The following ARHGAP15 variants were observed in gnomAD, a reference collection of about 807,000 sequenced individuals.
ARHGAP15 encodes rho GTPase-activating protein 15.
ARHGAP15 carries 51 observed loss-of-function variants against 63.7 expected under a neutral mutation model. The observed-to-expected ratio is 0.80, with a 90% confidence interval of 0.64 to 1.01. The LOEUF is 1.01. Ranked by LOEUF, ARHGAP15 falls within the 50% of genes least tolerant of loss-of-function variation. ARHGAP15 has a pLI of 0.00. For missense variants in ARHGAP15, 560 were observed against 564.6 expected (o/e 0.99, Z 0.08); for synonymous variants, 191 against 193.8 (o/e 0.99, Z 0.12).
chr2:143,233,133 T>A (rs560684426), intron 5 of ARHGAP15, among the ~76,000 whole-genome samples: 1 of 152,318 alleles, frequency 6.6e-6, no homozygotes, highest in South Asian at 2.1e-4. Flanking sequence ...GACATTATTA[T>A]TCTCTTTTAT....
At chr2:143,414,248 T>A (rs1275719517) in intron 6 of ARHGAP15, among the ~76,000 whole-genome samples, 3 of 151,504 alleles carry the variant, frequency 2.0e-5, no homozygotes, top group Non-Finnish European at 4.4e-5. Flanking sequence ...AAACTAAAAA[T>A]GAAGCAGATT....
At chr2:143,418,557 G>A (rs942743278) in intron 6 of ARHGAP15, among the ~76,000 whole-genome samples, 9 of 152,160 alleles carry the variant, frequency 5.9e-5, no homozygotes, top group African/African-American at 2.2e-4. Context: ...AGGATCTTCT[G>A]GAGGAAGAGA....
In ARHGAP15 at chr2:143,768,296, A is replaced by T. The variant is rs1463139411; in HGVS notation, c.*124A>T. ...GCGACAGATGCCTCATTTTGTGAAA[A>T]CTTAATGATGATTTTGTGTTTAAGT... On this transcript the variant is annotated 3_prime_UTR_variant, in exon 14 of 14. Transcript: ENST00000295095. 2.2e-6 allele frequency: 2 copies of T among 891,050 alleles called. No individual in the cohort carries two copies. Among genetic ancestry groups the T allele is most frequent in the Non-Finnish European group, 3.4e-6 (2 of 593,712 alleles). 55.2% of individuals were successfully genotyped at this position (891,050 alleles called of 1,614,324 possible).
Position 143,352,900 on chromosome 2 carries a change from A to G in ARHGAP15, c.475-82701A>G, listed in dbSNP as rs530317559. The stretch of plus-strand genomic sequence containing the variant: ...GAGTTGTAAATAAATCTTTCTTAAA[A>G]AGTGTACAATCTTTGAAAGTTCCAT... On this transcript the variant is annotated intron_variant, in intron 6 of 13. Coordinates refer to ENST00000295095, the MANE Select transcript of ARHGAP15 (RefSeq NM_018460.4). 7.6e-4 allele frequency among the ~76,000 whole-genome samples: 115 copies of G among 152,196 alleles called. 1 individual carries two copies. The highest frequency in any genetic ancestry group is 1.3e-3 in the Non-Finnish European group (87 of 68,040).
intron 10 of ARHGAP15, among the ~76,000 whole-genome samples, chr2:143,547,269 A>G (rs1249018727): frequency 6.6e-6 from 1 of 152,074 alleles, no homozygotes; most frequent in Non-Finnish European, 1.5e-5. Context: ...TTGTTCCACT[A>G]TTGTTTCATG....
chr2:143,638,803 T>A (rs1365929137), intron 12 of ARHGAP15, among the ~76,000 whole-genome samples: 1 of 151,822 alleles, frequency 6.6e-6, no homozygotes, highest in East Asian at 1.9e-4. Flanking sequence ...ACTATTAGAC[T>A]AGTGGGAATT....
At chr2:143,598,800 C>T (rs1697632670) in intron 11 of ARHGAP15, among the ~76,000 whole-genome samples, 1 of 151,944 alleles carries the variant, frequency 6.6e-6, no homozygotes, top group Non-Finnish European at 1.5e-5. Flanking sequence ...GCCTTCAGTC[C>T]CAGCTACTCA....
At chr2:143,426,613 C>T (rs543045944) in intron 6 of ARHGAP15, among the ~76,000 whole-genome samples, 1 of 152,228 alleles carries the variant, frequency 6.6e-6, no homozygotes, top group African/African-American at 2.4e-5. Context: ...GGAAACAACA[C>T]AAGGTGGGCA....
At chr2:143,516,043 G>A (rs770170322) in intron 9 of ARHGAP15, among the ~76,000 whole-genome samples, 2 of 152,120 alleles carry the variant, frequency 1.3e-5, no homozygotes, top group Non-Finnish European at 2.9e-5. Context: ...ATTCAGAGAA[G>A]GGAAGCACTC....
At chr2:143,592,637 T>A (rs1290968218) in intron 11 of ARHGAP15, among the ~76,000 whole-genome samples, 3 of 152,164 alleles carry the variant, frequency 2.0e-5, no homozygotes, top group African/African-American at 4.8e-5. Flanking sequence ...CCCTTAATCC[T>A]CCTTTGAGCA....
At chr2:143,676,721 C>T (rs1682842776) in intron 12 of ARHGAP15, 1 of 152,042 alleles carries the variant, frequency 6.6e-6, no homozygotes, top group South Asian at 2.1e-4. Context: ...GATCACTAAA[C>T]ACAGATCACT....
intron 12 of ARHGAP15, among the ~76,000 whole-genome samples, chr2:143,631,257 A>T (rs1050327188): frequency 2.0e-5 from 3 of 152,094 alleles, no homozygotes; most frequent in African/African-American, 7.2e-5. Flanking sequence ...TTTGATTGTT[A>T]CAAATGAAGC....
At chr2:143,737,753 TA>T (rs1685805220) in intron 13 of ARHGAP15, among the ~76,000 whole-genome samples, 3 of 151,432 alleles carry the variant, frequency 2.0e-5, no homozygotes, top group Non-Finnish European at 4.4e-5. Flanking sequence ...TTTATTTATT[TA>T]TTTATTTATT....
intron 10 of ARHGAP15, among the ~76,000 whole-genome samples, chr2:143,535,280 C>T (rs780957600): frequency 3.3e-5 from 5 of 152,272 alleles, no homozygotes; most frequent in South Asian, 2.1e-4. Flanking sequence ...CCATTATGTA[C>T]TTGCCCCCTT....
chr2:143,371,646 C>A (rs915525194), intron 6 of ARHGAP15, among the ~76,000 whole-genome samples: 22 of 151,958 alleles, frequency 1.4e-4, no homozygotes, highest in Non-Finnish European at 2.6e-4. Flanking sequence ...TTTCTTTTTT[C>A]TTTTTCGAGG....
At chr2:143,552,568 T>A (rs10469551) in intron 10 of ARHGAP15, among the ~76,000 whole-genome samples, 11 of 123,656 alleles carry the variant, frequency 8.9e-5, no homozygotes, top group Admixed American at 5.3e-4. Flanking sequence ...AAAGTCGGGG[T>A]GGGGAGGCAG....
intron 11 of ARHGAP15, among the ~76,000 whole-genome samples, chr2:143,607,338 G>T (rs80254770): frequency 0.025 from 3,755 of 152,238 alleles, 80 homozygotes; most frequent in Non-Finnish European, 0.038. Context: ...CATTTGCCAG[G>T]AAAACTTTGA....
chr2:143,349,028 C>T (rs966457889), intron 6 of ARHGAP15, among the ~76,000 whole-genome samples: 39 of 152,236 alleles, frequency 2.6e-4, no homozygotes, highest in Middle Eastern at 6.8e-3. Flanking sequence ...GAAATAACTC[C>T]TAACATCCTG....
At chr2:143,707,425 C>CCCA (rs1684378686) in intron 13 of ARHGAP15, among the ~76,000 whole-genome samples, 3 of 152,274 alleles carry the variant, frequency 2.0e-5, no homozygotes, top group Admixed American at 1.3e-4. Context: ...GCTCTTTTCT[C>CCCA]TGTTTTCCAA....
Sources: gnomAD v4.1 joint callset for allele counts (sites outside exome capture counted in the v4.1 genomes callset) on GRCh38, gnomAD v4.1.1 for gene constraint, MANE v1.5 for transcripts, NCBI Gene and HGNC (gene_info 2026-07-23, HGNC 2026-07-21) for gene names.